The following NDUFAF5 variants were observed in gnomAD, a reference collection of about 807,000 sequenced individuals.
The protein encoded by NDUFAF5 is NADH:ubiquinone oxidoreductase complex assembly factor 5.
In NDUFAF5, 34 loss-of-function variants were observed where a neutral mutation model predicts 48.9. The observed-to-expected ratio is 0.70, with a 90% CI of 0.53 to 0.93. The LOEUF (loss-of-function observed/expected upper bound fraction) is 0.93. NDUFAF5 is among the 40% of genes least tolerant of loss of function. The pLI, the probability that NDUFAF5 is intolerant of heterozygous loss-of-function variation, is 0.00. For missense variants in NDUFAF5, 428 were observed against 427.5 expected, an observed-to-expected ratio of 1.00 and a Z score of -0.01; for synonymous variants, 153 against 150.6, an observed-to-expected ratio of 1.02 and a Z score of -0.12.
In NDUFAF5 at chr20:13,793,368, A is replaced by G. The variant is rs1647419256; in HGVS notation, c.375+141A>G. The G allele has an allele frequency of 3.7e-6, 3 of 804,572 alleles. No homozygotes were observed. The Admixed American group carries it at 7.0e-5, about 19-fold the overall frequency. 49.8% of individuals were successfully genotyped at this position (804,572 alleles called of 1,614,324 possible). ...CTCATACAGGAAATATCAAGAACAA[A>G]GGAAAAATCACCCCTATCACCCCTA... is the stretch of plus-strand genomic sequence containing the variant. On this transcript the variant is annotated intron_variant, in intron 4 of 10. Coordinates refer to ENST00000378106, the MANE Select transcript of NDUFAF5 (RefSeq NM_024120.5).
chr20:13,789,974 C>A (rs1426436593), intron 3 of NDUFAF5, among the ~76,000 whole-genome samples: 1 of 152,116 alleles, frequency 6.6e-6, no homozygotes, highest in Non-Finnish European at 1.5e-5. Flanking sequence ...CAAGGATTCT[C>A]AGGGGGCACA....
intron 8 of NDUFAF5, among the ~76,000 whole-genome samples, chr20:13,809,967 C>T (rs1361498988): frequency 6.6e-6 from 1 of 152,154 alleles, no homozygotes; most frequent in East Asian, 1.9e-4. Flanking sequence ...TAGAAGAATA[C>T]CAGGTGTGGG....
intron 8 of NDUFAF5, among the ~76,000 whole-genome samples, chr20:13,815,362 A>C (rs1314513001): frequency 6.6e-6 from 1 of 152,184 alleles, no homozygotes. Flanking sequence ...GCTTCATGAC[A>C]CTAAGAATAT....
chr20:13,807,864 G>C (rs890124324), intron 7 of NDUFAF5, among the ~76,000 whole-genome samples: 1 of 151,830 alleles, frequency 6.6e-6, no homozygotes, highest in Admixed American at 6.6e-5. Context: ...CACAAGAATC[G>C]CTTGAGTTCA....
At chr20:13,798,534 G>A in intron 6 of NDUFAF5, 34 bp downstream of exon 6, 1 of 1,514,916 alleles carries the variant, frequency 6.6e-7, no homozygotes, top group Non-Finnish European at 9.2e-7. Context: ...ACTATCTTGT[G>A]TTATTTTCTT....
intron 8 of NDUFAF5, among the ~76,000 whole-genome samples, chr20:13,815,868 G>A (rs1464904854): frequency 1.3e-5 from 2 of 152,130 alleles, no homozygotes; most frequent in African/African-American, 2.4e-5. Context: ...CCATCAACTC[G>A]AAGGAAGTCT....
chr20:13,816,390 G>A, intron 8 of NDUFAF5, 73 bp from the exon 9 acceptor site: 2 of 989,428 alleles, frequency 2.0e-6, no homozygotes, highest in Non-Finnish European at 3.3e-6. Context: ...GATGAGACGG[G>A]ATTAAGTCTG....
intron 7 of NDUFAF5, among the ~76,000 whole-genome samples, chr20:13,806,035 A>G (rs991811476): frequency 4.6e-5 from 7 of 152,234 alleles, no homozygotes; most frequent in African/African-American, 1.7e-4. Flanking sequence ...CATTAGATAT[A>G]TTACTTTTAC....
At chr20:13,789,184 A>T (rs1490347253) in intron 3 of NDUFAF5, among the ~76,000 whole-genome samples, 1 of 151,654 alleles carries the variant, frequency 6.6e-6, no homozygotes, top group Non-Finnish European at 1.5e-5. Context: ...TTTTTTTCTG[A>T]GATGGAGTCT....
rs1986887833 is a variant in NDUFAF5, at chr20:13,820,213, T to C, written c.*3003T>C. 6.6e-6 allele frequency: 1 copy of C among 152,208 alleles called. No individual in the cohort carries two copies. Among genetic ancestry groups the C allele is most frequent in the East Asian group, 1.9e-4 (1 of 5,200 alleles). The allele number at this position is 152,208 out of a possible 1,614,324, so 9.4% of individuals were successfully genotyped here. On this transcript the variant is annotated 3_prime_UTR_variant, in exon 11 of 11. Transcript: ENST00000378106. The stretch of plus-strand genomic sequence containing the variant: ...AGAATTTTTGCTTTATAGGAAGAAT[T>C]TGTAGGATTTATTGAGATGTAAGCT...
rs1405520093 is a variant in NDUFAF5, at chr20:13,818,927, C to T, written c.*1717C>T. On this transcript the variant is annotated 3_prime_UTR_variant, in exon 11 of 11. Coordinates refer to ENST00000378106, the MANE Select transcript of NDUFAF5 (RefSeq NM_024120.5). The stretch of plus-strand genomic sequence containing the variant: ...TCCTGTAAAATTTGAATTTTCCAAG[C>T]AAGAATATTACTTTTGCTTATTTAA... The T allele has an allele frequency of 6.6e-6, 1 of 152,068 alleles. No individual in the cohort carries two copies. Among genetic ancestry groups the T allele is most frequent in the South Asian group, 2.1e-4 (1 of 4,822 alleles). 9.4% of individuals were successfully genotyped at this position (152,068 alleles called of 1,614,324 possible). A position where few individuals can be genotyped will look rare whatever the true frequency, so the allele number is the denominator to read the frequency against.
At chr20:13,796,157 A>C (rs1202805275) in intron 5 of NDUFAF5, among the ~76,000 whole-genome samples, 1 of 152,204 alleles carries the variant, frequency 6.6e-6, no homozygotes, top group Non-Finnish European at 1.5e-5. Flanking sequence ...CCAGTCATCA[A>C]GGTGTGCCCA....
chr20:13,806,495 G>A (rs368221270), intron 7 of NDUFAF5, among the ~76,000 whole-genome samples: 3 of 152,206 alleles, frequency 2.0e-5, no homozygotes, highest in East Asian at 3.9e-4. Flanking sequence ...GGCGCTGGGT[G>A]GCAAAGTGAG....
chr20:13,813,218 G>T (rs549124136), intron 8 of NDUFAF5, among the ~76,000 whole-genome samples: 5 of 152,290 alleles, frequency 3.3e-5, no homozygotes, highest in African/African-American at 1.2e-4. Context: ...CCAAAGTGCT[G>T]GGATTACAGG....
chr20:13,794,869 T>TC lies in NDUFAF5; in HGVS notation c.408dup (p.Ser137GlnfsTer5), dbSNP rs1305602800. The TC allele has an allele frequency of 1.2e-6, 2 of 1,613,204 alleles. No individual in the cohort carries two copies. The highest frequency in any genetic ancestry group is 2.7e-5 in the African/African-American group (2 of 75,050). On this transcript the variant is annotated frameshift_variant, in exon 5 of 11. Coordinates refer to ENST00000378106, the MANE Select transcript of NDUFAF5 (RefSeq NM_024120.5). LOFTEE classifies it high-confidence loss of function. ...TCCTCAGAAACAGAAATACCTACTGTCAGCGTTTTAGCTGATGAAGAATTC... is the reference window on the plus strand; with the variant it reads ...TCCTCAGAAACAGAAATACCTACTGTCCAGCGTTTTAGCTGATGAAGAATTC...
At chr20:13,804,165 A>G (rs567064374) in intron 7 of NDUFAF5, among the ~76,000 whole-genome samples, 79 of 152,318 alleles carry the variant, frequency 5.2e-4, no homozygotes, top group Non-Finnish European at 7.2e-4. Context: ...CACCTTAGTA[A>G]CAGAGCTAGA....
At chr20:13,795,542 G>A (rs1307674800) in intron 5 of NDUFAF5, among the ~76,000 whole-genome samples, 1 of 152,304 alleles carries the variant, frequency 6.6e-6, no homozygotes, top group Middle Eastern at 3.4e-3. Context: ...CTTCTGGCCA[G>A]GTACAGTGGC....
chr20:13,818,231 A>T lies in NDUFAF5; in HGVS notation c.*1021A>T. On this transcript the variant is annotated 3_prime_UTR_variant, in exon 11 of 11. Coordinates refer to ENST00000378106, the MANE Select transcript of NDUFAF5 (RefSeq NM_024120.5). Reference sequence around the variant, plus strand: ...ACATGGGACTTTCCACATAGTAGATATTCAGTTACATTTTGAACTAATTAT... The same window carrying T: ...ACATGGGACTTTCCACATAGTAGATTTTCAGTTACATTTTGAACTAATTAT... 2.2e-6 allele frequency: 1 copy of T among 454,122 alleles called. No individual in the cohort carries two copies. The allele number at this position is 454,122 out of a possible 1,614,324, so 28.1% of individuals were successfully genotyped here. A position where few individuals can be genotyped will look rare whatever the true frequency, so the allele number is the denominator to read the frequency against.
chr20:13,799,857 T>G (rs1983859782), intron 6 of NDUFAF5, among the ~76,000 whole-genome samples: 1 of 151,828 alleles, frequency 6.6e-6, no homozygotes, highest in South Asian at 2.1e-4. Context: ...GAATCAACAG[T>G]TTGGTGACTG....
Sources: allele counts gnomAD v4.1 joint callset (sites outside exome capture counted in the v4.1 genomes callset), GRCh38; gene constraint gnomAD v4.1.1; transcripts MANE v1.5; gene names NCBI Gene and HGNC (gene_info 2026-07-23, HGNC 2026-07-21).